The following TNIK variants were observed in gnomAD, a reference collection of about 807,000 sequenced individuals.
TNIK encodes TRAF2 and NCK interacting kinase, also known as TRAF2 and NCK-interacting protein kinase.
TNIK carries 49 observed loss-of-function variants against 191.3 expected under a neutral mutation model. The ratio of observed to expected loss-of-function variants is 0.26; its 90% CI spans 0.20 to 0.32. The LOEUF is 0.32. TNIK is among the 10% of genes least tolerant of loss of function. The probability of loss-of-function intolerance (pLI) is 1.00; values close to 1 mark genes in which losing one functional copy is unlikely to be tolerated. For synonymous variants in TNIK, 594 were observed against 600.9 expected (o/e 0.99, Z 0.17); for missense variants, 1,155 against 1,702.3 (o/e 0.68, Z 5.66).
At chr3:171,237,169 G>A (rs1744376262) in intron 2 of TNIK, among the ~76,000 whole-genome samples, 1 of 152,108 alleles carries the variant, frequency 6.6e-6, no homozygotes, top group Non-Finnish European at 1.5e-5. Flanking sequence ...TCTTGGGGTG[G>A]CAGTAACACA....
chr3:171,249,456 C>T (rs1745987181), intron 2 of TNIK, among the ~76,000 whole-genome samples: 1 of 152,142 alleles, frequency 6.6e-6, no homozygotes, highest in Non-Finnish European at 1.5e-5. Context: ...TGGCCTGCTG[C>T]CAACTTAAGG....
intron 1 of TNIK, among the ~76,000 whole-genome samples, chr3:171,454,387 T>G (rs1350255003): frequency 6.6e-6 from 1 of 152,158 alleles, no homozygotes; most frequent in East Asian, 1.9e-4. Flanking sequence ...ATCAAAGAGT[T>G]TTACAGATAA....
At chr3:171,405,429 C>G (rs546297853) in intron 1 of TNIK, among the ~76,000 whole-genome samples, 1 of 150,710 alleles carries the variant, frequency 6.6e-6, no homozygotes, top group South Asian at 2.1e-4. Context: ...AAGTAGTGGG[C>G]ATTTAATAAA....
chr3:171,141,382 A>G (rs1306796807), intron 12 of TNIK, among the ~76,000 whole-genome samples: 2 of 152,208 alleles, frequency 1.3e-5, no homozygotes, highest in African/African-American at 4.8e-5. Context: ...CCAGCATCTG[A>G]GCTCAATCAT....
intron 10 of TNIK, among the ~76,000 whole-genome samples, chr3:171,163,859 G>A (rs953892517): frequency 6.6e-6 from 1 of 151,938 alleles, no homozygotes; most frequent in African/African-American, 2.4e-5. Context: ...GTTAAATTTG[G>A]CATGTGTCAG....
At chr3:171,247,365 T>C (rs371738581) in intron 2 of TNIK, among the ~76,000 whole-genome samples, 51 of 152,174 alleles carry the variant, frequency 3.4e-4, no homozygotes, top group African/African-American at 1.2e-3. Context: ...CAACAGGACA[T>C]GTAGATGGTG....
At chr3:171,428,527 G>A (rs1389518799) in intron 1 of TNIK, among the ~76,000 whole-genome samples, 1 of 152,044 alleles carries the variant, frequency 6.6e-6, no homozygotes, top group Non-Finnish European at 1.5e-5. Context: ...GCTTTCTGCT[G>A]TCCTAATCTC....
chr3:171,213,391 C>T (rs1031819023), intron 3 of TNIK, among the ~76,000 whole-genome samples: 7 of 152,190 alleles, frequency 4.6e-5, no homozygotes, highest in South Asian at 2.1e-4. Flanking sequence ...ATAAAAGACA[C>T]GGATCACTTT....
chr3:171,349,041 G>A (rs1419197020), intron 2 of TNIK, among the ~76,000 whole-genome samples: 1 of 151,166 alleles, frequency 6.6e-6, no homozygotes, highest in Admixed American at 6.6e-5. Flanking sequence ...AAAAAAAGAG[G>A]TTGGTATTGC....
chr3:171,341,719 G>A (rs1757555140), intron 2 of TNIK, among the ~76,000 whole-genome samples: 1 of 152,128 alleles, frequency 6.6e-6, no homozygotes, highest in African/African-American at 2.4e-5. Context: ...GGTCTACGCA[G>A]TGGTAGTAGC....
At chr3:171,156,812 A>T (rs1439937841) in intron 12 of TNIK, among the ~76,000 whole-genome samples, 4 of 152,198 alleles carry the variant, frequency 2.6e-5, no homozygotes, top group Non-Finnish European at 5.9e-5. Context: ...CTGGGAAAGG[A>T]TCTGTGAAAC....
At chr3:171,434,927 T>TA (rs910619820) in intron 1 of TNIK, among the ~76,000 whole-genome samples, 16 of 151,340 alleles carry the variant, frequency 1.1e-4, no homozygotes, top group East Asian at 3.9e-4. Flanking sequence ...CAACTGCAAG[T>TA]AAAAAAAAAC....
chr3:171,320,812 A>C (rs1418984677), intron 2 of TNIK, among the ~76,000 whole-genome samples: 3 of 152,228 alleles, frequency 2.0e-5, no homozygotes, highest in Non-Finnish European at 2.9e-5. Context: ...AGGCAAGCAA[A>C]GAGCACTGTA....
intron 3 of TNIK, among the ~76,000 whole-genome samples, chr3:171,214,184 C>T (rs751093365): frequency 1.3e-5 from 2 of 151,368 alleles, no homozygotes; most frequent in Non-Finnish European, 2.9e-5. Context: ...GCACAGATGG[C>T]AGTAAGTTAT....
intron 9 of TNIK, among the ~76,000 whole-genome samples, chr3:171,171,911 G>T (rs908108744): frequency 4.6e-5 from 7 of 152,114 alleles, no homozygotes; most frequent in Admixed American, 4.6e-4. Flanking sequence ...TTCCACAAAG[G>T]TTACAACCCT....
intron 2 of TNIK, among the ~76,000 whole-genome samples, chr3:171,251,458 A>C (rs1488101490): frequency 6.6e-6 from 1 of 152,198 alleles, no homozygotes. Context: ...AATAGTTATC[A>C]ACCTTCCTGC....
At chr3:171,308,896 A>C (rs1010580945) in intron 2 of TNIK, among the ~76,000 whole-genome samples, 3 of 152,214 alleles carry the variant, frequency 2.0e-5, no homozygotes, top group African/African-American at 7.2e-5. Context: ...GTCAAAAAAC[A>C]ACAGATGCTG....
At chr3:171,214,294 G>A (rs561895212) in intron 3 of TNIK, among the ~76,000 whole-genome samples, 68 of 151,994 alleles carry the variant, frequency 4.5e-4, no homozygotes, top group Non-Finnish European at 7.4e-4. Flanking sequence ...CATCAAGGGA[G>A]ATGAGTTACA....
intron 4 of TNIK, among the ~76,000 whole-genome samples, chr3:171,210,623 G>A (rs893595420): frequency 6.6e-6 from 1 of 152,128 alleles, no homozygotes; most frequent in Non-Finnish European, 1.5e-5. Context: ...ACTCATCAGC[G>A]ATAGACAGAG....
Sources: gnomAD v4.1 joint callset for allele counts (sites outside exome capture counted in the v4.1 genomes callset) on GRCh38, gnomAD v4.1.1 for gene constraint, MANE v1.5 for transcripts, NCBI Gene and HGNC (gene_info 2026-07-23, HGNC 2026-07-21) for gene names.